Variants in DCDC1 observed in about 807,000 individuals in gnomAD.
DCDC1 encodes the protein doublecortin domain containing 1, also known as doublecortin domain-containing protein 1.
In DCDC1, 200 loss-of-function variants were observed where a neutral mutation model predicts 178.3. The ratio of observed to expected loss-of-function variants is 1.12; its 90% confidence interval spans 1.00 to 1.26. The LOEUF is 1.26. Ranked by LOEUF, DCDC1 falls within the 50% of genes most tolerant of loss-of-function variation. The pLI is 0.00. For synonymous variants in DCDC1, 690 were observed against 604.8 expected (o/e 1.14, Z -2.07); for missense variants, 1,983 against 1,749.2 (o/e 1.13, Z -2.38).
chr11:30,928,682 A>T (rs1049182416), intron 22 of DCDC1, among the ~76,000 whole-genome samples: 15 of 149,654 alleles, frequency 1.0e-4, no homozygotes, highest in African/African-American at 3.7e-4. Context: ...AGTTTCAAAA[A>T]CTATCACAAT....
In DCDC1 at chr11:31,063,338, A is replaced by G. The variant is rs559230694; in HGVS notation, c.2591+1131T>C. On this transcript the variant is annotated intron_variant, in intron 20 of 38. Coordinates refer to ENST00000684477, the MANE Select transcript of DCDC1 (RefSeq NM_001387274.1). ...ACTAGAAATACCATTTGACCCAGCC[A>G]TCCCATTATTGGGTACATACCCAAA... is the stretch of plus-strand genomic sequence containing the variant. 3.6e-4 allele frequency among the ~76,000 whole-genome samples: 55 copies of G among 152,270 alleles called. 1 individual carries two copies. Among genetic ancestry groups the G allele is most frequent in the South Asian group, 1.2e-3 (6 of 4,816 alleles).
At chr11:30,881,683 A>T (rs979792121) in intron 36 of DCDC1, among the ~76,000 whole-genome samples, 4 of 152,132 alleles carry the variant, frequency 2.6e-5, no homozygotes, top group Non-Finnish European at 5.9e-5. Flanking sequence ...AGGTGAGGAG[A>T]CCCAGGCTCT....
intron 20 of DCDC1, among the ~76,000 whole-genome samples, chr11:31,028,187 C>T (rs1245838123): frequency 2.0e-5 from 3 of 151,618 alleles, no homozygotes; most frequent in Non-Finnish European, 3.0e-5. Context: ...CTTTTAATTC[C>T]TAAAAGCATC....
chr11:31,225,739 A>G (rs1442564842), intron 9 of DCDC1, among the ~76,000 whole-genome samples: 1 of 151,094 alleles, frequency 6.6e-6, no homozygotes, highest in Non-Finnish European at 1.5e-5. Flanking sequence ...ACCTAGATAC[A>G]TATAGATATA....
intron 20 of DCDC1, among the ~76,000 whole-genome samples, chr11:30,965,368 A>C (rs1220943272): frequency 3.3e-5 from 5 of 151,842 alleles, no homozygotes; most frequent in Non-Finnish European, 7.4e-5. Flanking sequence ...AGAATGATCC[A>C]CTCATCAGGT....
At chr11:31,110,154 C>G (rs558639788) in intron 12 of DCDC1, 106 bp downstream of exon 12, 1 of 602,730 alleles carries the variant, frequency 1.7e-6, no homozygotes, top group African/African-American at 1.8e-5. Flanking sequence ...TACAGATCAA[C>G]AAACCATTGA....
intron 11 of DCDC1, among the ~76,000 whole-genome samples, chr11:31,118,782 G>A (rs78346350): frequency 0.012 from 1,762 of 152,216 alleles, 35 homozygotes; most frequent in African/African-American, 0.039. Context: ...GCAATTCTCC[G>A]GGCACCTTCT....
intron 15 of DCDC1, among the ~76,000 whole-genome samples, chr11:31,101,500 A>G (rs1041481517): frequency 6.6e-6 from 1 of 152,202 alleles, no homozygotes; most frequent in Non-Finnish European, 1.5e-5. Flanking sequence ...CCTGTAGAGC[A>G]AATAGATCAG....
In DCDC1 at chr11:31,093,272, GC is replaced by G. The variant is rs1303993842; in HGVS notation, c.2118+777del. Among the ~76,000 whole-genome samples the G allele has an allele frequency of 1.2e-4, 18 of 152,248 alleles. No homozygotes were observed. In the East Asian group the frequency reaches 3.3e-3, roughly 28 times the overall value. On this transcript the variant is annotated intron_variant, in intron 16 of 38. Coordinates refer to ENST00000684477, the MANE Select transcript of DCDC1 (RefSeq NM_001387274.1). ...TGTTTTTAACTTTTAAAGAACAATA[GC>G]TAAGGGCAATCCAAAATTTCATTTG...
At chr11:30,954,480 G>A (rs1449449420) in intron 20 of DCDC1, among the ~76,000 whole-genome samples, 1 of 152,140 alleles carries the variant, frequency 6.6e-6, no homozygotes, top group Non-Finnish European at 1.5e-5. Context: ...CAGAAAACTA[G>A]TTAATTCATC....
At chr11:31,048,856 CA>C (rs1027590030) in intron 20 of DCDC1, among the ~76,000 whole-genome samples, 20 of 144,040 alleles carry the variant, frequency 1.4e-4, no homozygotes, top group Non-Finnish European at 2.6e-4. Flanking sequence ...GACTCCGTCT[CA>C]AAAAAAAAAG....
intron 1 of DCDC1, among the ~76,000 whole-genome samples, chr11:31,342,826 T>G (rs1442818660): frequency 6.6e-6 from 1 of 152,214 alleles, no homozygotes; most frequent in Non-Finnish European, 1.5e-5. Flanking sequence ...AAAAACGAAA[T>G]TTGAATATAA....
chr11:31,259,509 T>C (rs573455820), intron 8 of DCDC1, among the ~76,000 whole-genome samples: 25 of 152,322 alleles, frequency 1.6e-4, no homozygotes, highest in African/African-American at 5.5e-4. Context: ...TTAAGGTAAA[T>C]ACTATAATTC....
chr11:31,003,084 TTAA>T (rs1951661139), intron 20 of DCDC1, among the ~76,000 whole-genome samples: 2 of 148,134 alleles, frequency 1.4e-5, no homozygotes, highest in South Asian at 4.2e-4. Context: ...ACACATATCT[TTAA>T]ATATATATAT....
At chr11:31,175,199 T>C (rs1967825678) in intron 9 of DCDC1, among the ~76,000 whole-genome samples, 1 of 152,166 alleles carries the variant, frequency 6.6e-6, no homozygotes, top group Admixed American at 6.5e-5. Flanking sequence ...GGGAGCTTCT[T>C]GCAGGATGCC....
rs529236746 is a variant in DCDC1 at position 31,011,376 on chromosome 11, A to C, written c.2591+53093T>G. ...CAAGTTTTGGAGAAAATATTTGCAA[A>C]ACATTCTAGGTTATCTAAAACATAT... On this transcript the variant is annotated intron_variant, in intron 20 of 38. Transcript: ENST00000684477. Among the ~76,000 whole-genome samples the C allele has an allele frequency of 3.3e-5, 5 of 152,318 alleles. No homozygotes were observed. The East Asian group carries it at 9.6e-4, about 29-fold the overall frequency.
At chr11:31,106,341 A>G (rs1958841282) in intron 13 of DCDC1, among the ~76,000 whole-genome samples, 1 of 152,214 alleles carries the variant, frequency 6.6e-6, no homozygotes, top group Non-Finnish European at 1.5e-5. Context: ...GTGGGGAATC[A>G]TGTTGTCTAC....
At chr11:30,971,010 G>A (rs796599498) in intron 20 of DCDC1, among the ~76,000 whole-genome samples, 1 of 152,010 alleles carries the variant, frequency 6.6e-6, no homozygotes, top group Admixed American at 6.6e-5. Context: ...CATCACAGCT[G>A]GTGCGCCCAC....
chr11:30,968,478 G>A (rs1438808736), intron 20 of DCDC1, among the ~76,000 whole-genome samples: 1 of 151,704 alleles, frequency 6.6e-6, no homozygotes, highest in Non-Finnish European at 1.5e-5. Flanking sequence ...AAGAGAGGAA[G>A]AGACCACATT....
Sources: allele counts gnomAD v4.1 joint callset (sites outside exome capture counted in the v4.1 genomes callset), GRCh38; gene constraint gnomAD v4.1.1; transcripts MANE v1.5; gene names NCBI Gene and HGNC (gene_info 2026-07-23, HGNC 2026-07-21).